Variants in LRRK2 observed in about 807,000 individuals in gnomAD.
The protein encoded by LRRK2 is leucine rich repeat kinase 2.
A neutral mutation model predicts 302.6 loss-of-function variants in LRRK2; 203 were observed. The observed-to-expected ratio is 0.67, with a 90% CI of 0.60 to 0.75. The LOEUF is 0.75. Ranked by LOEUF, LRRK2 falls within the 30% of genes least tolerant of loss-of-function variation. The pLI is 0.00. For missense variants in LRRK2, 2,830 were observed against 2,951.0 expected (o/e 0.96, Z 0.95); for synonymous variants, 1,066 against 1,031.9 (o/e 1.03, Z -0.63).
intron 47 of LRRK2, among the ~76,000 whole-genome samples, chr12:40,362,351 T>C (rs1565782430): frequency 6.6e-6 from 1 of 152,122 alleles, no homozygotes; most frequent in Non-Finnish European, 1.5e-5. Context: ...GTTATCTATC[T>C]GATTTAAATG....
intron 14 of LRRK2, among the ~76,000 whole-genome samples, chr12:40,267,924 T>C (rs1279248484): frequency 6.6e-6 from 1 of 152,150 alleles, no homozygotes; most frequent in Non-Finnish European, 1.5e-5. Context: ...TTTTAATACA[T>C]CTAAACTTGG....
At chr12:40,351,833 A>T in intron 44 of LRRK2, 100 bp downstream of exon 44, 2 of 1,188,064 alleles carry the variant, frequency 1.7e-6, no homozygotes, top group Non-Finnish European at 2.4e-6. Flanking sequence ...TAGGATTATT[A>T]TTCAATTAGC....
chr12:40,363,632 T>A lies in LRRK2; in HGVS notation c.7181+78T>A, dbSNP rs1365531881. ...ATGTGTCACAGAGGAAGGATTTTTC[T>A]TCCTTTCTGCCTCTGAATAGAGAAT... On this transcript the variant is annotated intron_variant, in intron 48 of 50. Transcript: ENST00000298910. 5 of 1,501,512 alleles carry A rather than the reference T, an allele frequency of 3.3e-6. No homozygotes were observed. The African/African-American group carries it at 7.0e-5, about 21-fold the overall frequency. The allele number at this position is 1,501,512 out of a possible 1,614,324, so 93.0% of individuals were successfully genotyped here.
chr12:40,271,759 T>A (rs1943240323), intron 14 of LRRK2, among the ~76,000 whole-genome samples: 1 of 152,162 alleles, frequency 6.6e-6, no homozygotes, highest in Admixed American at 6.6e-5. Context: ...CAAATGCTCA[T>A]ATTTAAAATT....
chr12:40,229,392 A>G (rs1455638007), intron 2 of LRRK2, among the ~76,000 whole-genome samples: 1 of 152,158 alleles, frequency 6.6e-6, no homozygotes, highest in Admixed American at 6.5e-5. Context: ...CCAGACTGCC[A>G]GTTTTATTTT....
Position 40,346,800 on chromosome 12 carries a change from C to G in LRRK2, c.6157C>G (p.Gln2053Glu). Residue 2053 changes from glutamine to glutamate, a missense_variant, in exon 42 of 51, where the codon CAG becomes GAG. Coordinates refer to ENST00000298910, the MANE Select transcript of LRRK2 (RefSeq NM_198578.4). ...CAGAGGAAATGTCATTTATAACCAACAGGCTGATGTTTATTCATTTGGTTT... is the reference window on the plus strand; with the variant it reads ...CAGAGGAAATGTCATTTATAACCAAGAGGCTGATGTTTATTCATTTGGTTT... Reference protein sequence around the residue: ...VARGNVIYNQQADVYSFGLLL... With the variant: ...VARGNVIYNQEADVYSFGLLL... 6 of 1,613,966 alleles carry G rather than the reference C, an allele frequency of 3.7e-6. No homozygotes were observed. Among genetic ancestry groups the G allele is most frequent in the Non-Finnish European group, 5.1e-6 (6 of 1,179,912 alleles).
rs116926859 is a variant in LRRK2, at chr12:40,317,332, T to G, written c.4827+2032T>G. ...GCCAATAAATTGAAATATAATGTCA[T>G]TTTATCACTAAGGTTTAAAGGAAAT... On this transcript the variant is annotated intron_variant, in intron 33 of 50. Transcript: ENST00000298910. Among the ~76,000 whole-genome samples the G allele has an allele frequency of 1.4e-3, 213 of 152,230 alleles. 1 individual carries two copies. The East Asian group carries it at 0.031, about 22-fold the overall frequency.
At chr12:40,261,044 G>GC (rs777448635) in intron 13 of LRRK2, among the ~76,000 whole-genome samples, 31 of 151,634 alleles carry the variant, frequency 2.0e-4, no homozygotes, top group Non-Finnish European at 3.5e-4. Flanking sequence ...TTTTTTCTGG[G>GC]CCCCCCAGTC....
At chr12:40,301,194 G>A in intron 25 of LRRK2, 1 of 448,262 alleles carries the variant, frequency 2.2e-6, no homozygotes, top group Admixed American at 2.4e-5. Flanking sequence ...CCATGGAGGT[G>A]ACATCTGAGC....
Position 40,238,009 on chromosome 12 carries a change from T to A in LRRK2, c.477T>A (p.Ile159=). ...TLLILDEESD[I]FMLIFDAMHS... is the part of the protein sequence containing the mutation. The stretch of plus-strand genomic sequence containing the variant: ...TGATATTGGATGAAGAAAGTGATAT[T>A]TTCATGTTAATTTTTGATGCCATGC... The change falls in exon 5 of 51, where the codon ATT becomes ATA. Residue 159 remains isoleucine (I), a synonymous_variant. Transcript: ENST00000298910. 1.2e-6 allele frequency: 2 copies of A among 1,613,278 alleles called. No homozygotes were observed. Among genetic ancestry groups the A allele is most frequent in the Non-Finnish European group, 1.7e-6 (2 of 1,179,432 alleles).
intron 3 of LRRK2, among the ~76,000 whole-genome samples, chr12:40,235,188 A>G (rs1232972539): frequency 2.0e-5 from 3 of 152,146 alleles, no homozygotes; most frequent in Admixed American, 2.0e-4. Flanking sequence ...ACAAACACAC[A>G]TGGCCAGGCA....
intron 11 of LRRK2, among the ~76,000 whole-genome samples, chr12:40,253,435 G>A (rs999163172): frequency 1.3e-5 from 2 of 151,912 alleles, no homozygotes; most frequent in Non-Finnish European, 2.9e-5. Context: ...ACCTAGGCTG[G>A]AGTGCAGTAC....
At chr12:40,305,729 C>T in intron 27 of LRRK2, 56 bp from the exon 28 acceptor site, 1 of 1,490,366 alleles carries the variant, frequency 6.7e-7, no homozygotes, top group African/African-American at 1.4e-5. Context: ...CGTTTTTTGG[C>T]AGAGCACATT....
intron 40 of LRRK2, among the ~76,000 whole-genome samples, chr12:40,337,589 T>C (rs1945912052): frequency 6.6e-6 from 1 of 152,222 alleles, no homozygotes; most frequent in African/African-American, 2.4e-5. Flanking sequence ...TCCTTGACTC[T>C]ATTTTACATT....
chr12:40,323,483 T>C (rs556108684), intron 38 of LRRK2, among the ~76,000 whole-genome samples, 177 bp downstream of exon 38: 2 of 152,288 alleles, frequency 1.3e-5, no homozygotes, highest in South Asian at 4.1e-4. Context: ...ATCTGGAATT[T>C]GTTTTGCACA....
intron 20 of LRRK2, among the ~76,000 whole-genome samples, chr12:40,289,157 T>G (rs1231630867): frequency 6.6e-6 from 1 of 151,708 alleles, no homozygotes; most frequent in Non-Finnish European, 1.5e-5. Flanking sequence ...CATTACTTGT[T>G]GAAAATATTA....
chr12:40,265,737 C>T (rs1330687574), intron 14 of LRRK2, among the ~76,000 whole-genome samples: 1 of 152,130 alleles, frequency 6.6e-6, no homozygotes, highest in Non-Finnish European at 1.5e-5. Context: ...CCCCACGCTA[C>T]CTGACTTCAA....
At chr12:40,355,066 G>A (rs1324415509) in intron 45 of LRRK2, among the ~76,000 whole-genome samples, 1 of 152,068 alleles carries the variant, frequency 6.6e-6, no homozygotes, top group African/African-American at 2.4e-5. Context: ...AATATTTGGG[G>A]CAGGATGATT....
chr12:40,240,877 G>A (rs1363017421), intron 6 of LRRK2, among the ~76,000 whole-genome samples: 1 of 152,158 alleles, frequency 6.6e-6, no homozygotes, highest in African/African-American at 2.4e-5. Flanking sequence ...GGGGGACACA[G>A]ATAAGTACAG....
Sources: gnomAD v4.1 joint callset for allele counts (sites outside exome capture counted in the v4.1 genomes callset) on GRCh38, gnomAD v4.1.1 for gene constraint, MANE v1.5 for transcripts, NCBI Gene and HGNC (gene_info 2026-07-23, HGNC 2026-07-21) for gene names.